CCSER1: variants seen among roughly 807,000 people sequenced by gnomAD.
CCSER1 encodes the protein coiled-coil serine rich protein 1, also known as serine-rich coiled-coil domain-containing protein 1.
A neutral mutation model predicts 82.0 loss-of-function variants in CCSER1; 41 were observed. The observed-to-expected ratio is 0.50, with a 90% CI of 0.39 to 0.65. The LOEUF is 0.65. Among genes scored for constraint, CCSER1 ranks in the 30% least tolerant of loss-of-function variants. The pLI, the probability that CCSER1 is intolerant of heterozygous loss-of-function variation, is 0.00. For missense variants in CCSER1, 1,119 were observed against 1,064.2 expected (o/e 1.05, Z -0.72); for synonymous variants, 414 against 383.9 (o/e 1.08, Z -0.92).
intron 4 of CCSER1, among the ~76,000 whole-genome samples, chr4:90,428,408 C>G (rs1757825031): frequency 6.6e-6 from 1 of 151,776 alleles, no homozygotes; most frequent in South Asian, 2.1e-4. Flanking sequence ...ACTTCTGACT[C>G]CCCCAAAACT....
chr4:91,091,326 G>A (rs568939698), intron 10 of CCSER1, among the ~76,000 whole-genome samples: 13 of 152,140 alleles, frequency 8.5e-5, no homozygotes, highest in Non-Finnish European at 1.8e-4. Flanking sequence ...CATAGCACAC[G>A]TCGGGCTGGT....
chr4:91,232,144 T>TTA (rs1738675259), intron 10 of CCSER1, among the ~76,000 whole-genome samples: 1 of 151,848 alleles, frequency 6.6e-6, no homozygotes. Flanking sequence ...TTGCTACAAC[T>TTA]TATACAGAGG....
intron 10 of CCSER1, among the ~76,000 whole-genome samples, chr4:91,116,955 T>G (rs1380752558): frequency 1.3e-5 from 2 of 152,198 alleles, no homozygotes; most frequent in Non-Finnish European, 2.9e-5. Flanking sequence ...CTAGTCAAAT[T>G]TTTATATTTG....
chr4:91,023,172 G>A (rs545799859), intron 9 of CCSER1, among the ~76,000 whole-genome samples: 5 of 152,244 alleles, frequency 3.3e-5, no homozygotes, highest in Admixed American at 1.3e-4. Context: ...CAAACAAATG[G>A]AAGAGCATTC....
In CCSER1 at chr4:90,647,514, A is replaced by G. The variant is rs999758686; in HGVS notation, c.1932+19282A>G. On this transcript the variant is annotated intron_variant, in intron 6 of 10. Coordinates refer to ENST00000509176, the MANE Select transcript of CCSER1 (RefSeq NM_001145065.2). The stretch of plus-strand genomic sequence containing the variant: ...TTAAAACATAAAACTAGAAATTTGA[A>G]AGATCATAGCTTTTCTCCCCAAAAG... Among the ~76,000 whole-genome samples the G allele has an allele frequency of 3.3e-5, 5 of 152,290 alleles. No individual in the cohort carries two copies. In the South Asian group the frequency reaches 8.3e-4, roughly 25 times the overall value.
At chr4:90,300,410 G>A (rs960435228) in intron 1 of CCSER1, among the ~76,000 whole-genome samples, 28 of 152,042 alleles carry the variant, frequency 1.8e-4, no homozygotes, top group African/African-American at 6.0e-4. Flanking sequence ...GTGTCTTTGT[G>A]ATGTAGTATC....
intron 6 of CCSER1, among the ~76,000 whole-genome samples, chr4:90,699,074 C>CTGGT (rs1737528374): frequency 1.3e-5 from 2 of 151,974 alleles, no homozygotes; most frequent in African/African-American, 4.8e-5. Flanking sequence ...GCACTCCAGC[C>CTGGT]GGGGCGAAAG....
chr4:90,729,323 T>C (rs1277135159), intron 7 of CCSER1, among the ~76,000 whole-genome samples: 2 of 152,176 alleles, frequency 1.3e-5, no homozygotes, highest in Non-Finnish European at 1.5e-5. Flanking sequence ...ATGAAAGAAA[T>C]ATATTTTAAA....
At chr4:91,048,569 C>T (rs955355144) in intron 9 of CCSER1, among the ~76,000 whole-genome samples, 1 of 151,928 alleles carries the variant, frequency 6.6e-6, no homozygotes, top group Admixed American at 6.6e-5. Flanking sequence ...GGACAGGCTA[C>T]AATAAGAGAG....
At chr4:91,204,058 A>T (rs976037836) in intron 10 of CCSER1, among the ~76,000 whole-genome samples, 3 of 151,894 alleles carry the variant, frequency 2.0e-5, no homozygotes, top group African/African-American at 7.2e-5. Flanking sequence ...CTATTGTTAG[A>T]TAACTAAATA....
intron 1 of CCSER1, among the ~76,000 whole-genome samples, chr4:90,133,098 G>A (rs542471903): frequency 6.6e-6 from 1 of 152,212 alleles, no homozygotes; most frequent in African/African-American, 2.4e-5. Flanking sequence ...GAAAGCCACT[G>A]ACCTAGAGTA....
chr4:90,612,750 C>T (rs953779148), intron 5 of CCSER1, among the ~76,000 whole-genome samples: 2 of 151,972 alleles, frequency 1.3e-5, no homozygotes, highest in African/African-American at 4.8e-5. Context: ...AGACATAATC[C>T]CCTTAATGTT....
At chr4:91,222,619 G>T (rs778118051) in intron 10 of CCSER1, among the ~76,000 whole-genome samples, 18 of 152,014 alleles carry the variant, frequency 1.2e-4, no homozygotes, top group Non-Finnish European at 1.6e-4. Flanking sequence ...AAATTACTGG[G>T]TTTTTTTAGT....
intron 10 of CCSER1, among the ~76,000 whole-genome samples, chr4:91,104,431 A>G (rs953536049): frequency 1.3e-5 from 2 of 152,162 alleles, no homozygotes; most frequent in Non-Finnish European, 2.9e-5. Context: ...CCCAGCTGTA[A>G]AATTCCTCTC....
intron 8 of CCSER1, among the ~76,000 whole-genome samples, chr4:90,916,624 A>G (rs1727471637): frequency 6.6e-6 from 1 of 152,218 alleles, no homozygotes; most frequent in Non-Finnish European, 1.5e-5. Flanking sequence ...CATGTCTAAA[A>G]CACTGAAAGC....
At chr4:90,381,374 A>G (rs1191635156) in intron 3 of CCSER1, among the ~76,000 whole-genome samples, 2 of 152,204 alleles carry the variant, frequency 1.3e-5, no homozygotes, top group African/African-American at 4.8e-5. Flanking sequence ...AATATTTTGG[A>G]ACTAATGGTA....
intron 4 of CCSER1, among the ~76,000 whole-genome samples, chr4:90,437,037 G>T (rs1260744711): frequency 6.6e-6 from 1 of 152,036 alleles, no homozygotes; most frequent in Non-Finnish European, 1.5e-5. Context: ...TAGCCAGGAT[G>T]GTCTCAATCT....
chr4:91,468,200 T>C (rs1353996267), intron 10 of CCSER1, among the ~76,000 whole-genome samples: 1 of 152,170 alleles, frequency 6.6e-6, no homozygotes, highest in African/African-American at 2.4e-5. Flanking sequence ...ATGTCCTTTT[T>C]AGGGACATGG....
At chr4:91,281,835 A>G (rs1163186215) in intron 10 of CCSER1, among the ~76,000 whole-genome samples, 1 of 152,070 alleles carries the variant, frequency 6.6e-6, no homozygotes, top group Admixed American at 6.6e-5. Flanking sequence ...ATAGGAATGC[A>G]TTGTAGTATT....
Sources: gnomAD v4.1 joint callset for allele counts (sites outside exome capture counted in the v4.1 genomes callset) on GRCh38, gnomAD v4.1.1 for gene constraint, MANE v1.5 for transcripts, NCBI Gene and HGNC (gene_info 2026-07-23, HGNC 2026-07-21) for gene names.